AURKB: variants seen among roughly 807,000 people sequenced by gnomAD.
AURKB encodes aurora kinase B-Sv1.
In AURKB, 28 loss-of-function variants were observed where a neutral mutation model predicts 36.5. That is an observed-to-expected ratio of 0.77 (90% CI 0.57 to 1.05). AURKB has a LOEUF of 1.05. Ranked by LOEUF, AURKB falls within the 50% of genes least tolerant of loss-of-function variation. AURKB has a pLI of 0.00. For synonymous variants in AURKB, 175 were observed against 172.9 expected, an observed-to-expected ratio of 1.01 and a Z score of -0.09; for missense variants, 383 against 447.4, an observed-to-expected ratio of 0.86 and a Z score of 1.30.
chr17:8,210,377 A>T, intron 1 of AURKB, 128 bp from the exon 2 acceptor site: 1 of 701,904 alleles, frequency 1.4e-6, no homozygotes, highest in South Asian at 1.7e-5. Flanking sequence ...ACTAGCCCCA[A>T]TCTGGGCGCT....
chr17:8,206,907 G>A lies in AURKB; in HGVS notation c.399-19C>T, dbSNP rs779618576. ...GGGATGGCTGGGGGAAGAGACAGAG[G>A]AGGCCTCAGGCCAAAGGCATAAAAG... On this transcript the variant is annotated intron_variant, in intron 5 of 8. Coordinates refer to ENST00000585124, the MANE Select transcript of AURKB (RefSeq NM_004217.4). The surrounding 1 kb of genome is among the most constrained non-coding windows in gnomAD (Gnocchi z 4.2). The A allele has an allele frequency of 1.1e-5, 18 of 1,613,978 alleles. No homozygotes were observed. In the South Asian group the frequency reaches 1.8e-4, roughly 16 times the overall value.
At chr17:8,209,010 T>G (rs1985766964) in intron 2 of AURKB, among the ~76,000 whole-genome samples, 2 of 145,140 alleles carry the variant, frequency 1.4e-5, no homozygotes, top group Admixed American at 1.5e-4. Context: ...CACTTCTCAC[T>G]TTCAACTTCT....
At position 8,210,178 on chromosome 17, in the gene AURKB, G is replaced by A. The variant is rs763789172; in HGVS notation, c.47C>T (p.Thr16Met). Reference protein sequence around the residue: ...NSYPWPYGRQTAPSGLSTLPQ... With the variant: ...NSYPWPYGRQMAPSGLSTLPQ... ...CAGGGACGGAGGGAAGGGCCTTACC[G>A]TCTGTCGGCCGTAGGGCCAGGGGTA... The change falls in exon 2 of 9, where the codon ACG becomes ATG. Residue 16 changes from threonine (T) to methionine (M), a missense_variant and splice_region_variant. Around this residue, in one of 3 missense-constraint regions of AURKB, gnomAD observed 105 missense variants for 95.7 expected, o/e 1.10. Coordinates refer to ENST00000585124, the MANE Select transcript of AURKB (RefSeq NM_004217.4). 1.2e-5 allele frequency: 19 copies of A among 1,612,576 alleles called. No homozygotes were observed. In the South Asian group the frequency reaches 1.7e-4, roughly 14 times the overall value.
Position 8,210,521 on chromosome 17 carries a change from C to T in AURKB, c.-26+9G>A, listed in dbSNP as rs549469650. The T allele has an allele frequency of 1.9e-5, 9 of 469,918 alleles. No individual in the cohort carries two copies. The highest frequency in any genetic ancestry group is 3.4e-5 in the Non-Finnish European group (9 of 265,096). 29.1% of individuals were successfully genotyped at this position (469,918 alleles called of 1,614,324 possible). ...CCGGCGCAAGGCCTGCGACAGGAGGCCAGCTCACCTGGGGTCCAAGGCACT... is the reference window on the plus strand; with the variant it reads ...CCGGCGCAAGGCCTGCGACAGGAGGTCAGCTCACCTGGGGTCCAAGGCACT... On this transcript the variant is annotated intron_variant, in intron 1 of 8. Coordinates refer to ENST00000585124, the MANE Select transcript of AURKB (RefSeq NM_004217.4).
chr17:8,205,225 G>T lies in AURKB; in HGVS notation c.852C>A (p.Arg284=). Reference sequence around the variant, plus strand: ...CAGGCCGCCCTCCCACCTTGACGATGCGGCGATAGGTCTCGTTGTGTGATG... The same window carrying T: ...CAGGCCGCCCTCCCACCTTGACGATTCGGCGATAGGTCTCGTTGTGTGATG... The part of the protein sequence containing the change: ...ESASHNETYR[R]IVKVDLKFPA... Residue 284 remains arginine, a synonymous_variant, in exon 8 of 9, where the codon CGC becomes CGA. Coordinates refer to ENST00000585124, the MANE Select transcript of AURKB (RefSeq NM_004217.4). The T allele has an allele frequency of 6.2e-7, 1 of 1,612,694 alleles. No individual in the cohort carries two copies. The highest frequency in any genetic ancestry group is 8.5e-7 in the Non-Finnish European group (1 of 1,179,040).
intron 7 of AURKB, 78 bp from the exon 8 acceptor site, chr17:8,205,468 G>C: frequency 6.5e-7 from 1 of 1,532,688 alleles, no homozygotes; most frequent in African/African-American, 1.4e-5. Flanking sequence ...ACGGCTGGGA[G>C]CCAAAAGACC....
At chr17:8,210,506 G>A in intron 1 of AURKB, 24 bp downstream of exon 1, 1 of 483,096 alleles carries the variant, frequency 2.1e-6, no homozygotes, top group Non-Finnish European at 3.6e-6. Context: ...CCGGCGCAAG[G>A]CCTGCGACAG....
At chr17:8,205,155 A>AC in intron 8 of AURKB, 61 bp downstream of exon 8, 1 of 1,557,202 alleles carries the variant, frequency 6.4e-7, no homozygotes. Context: ...CACTCTGCCC[A>AC]CCCCCAGCCC....
chr17:8,205,478 C>T, intron 7 of AURKB, 88 bp from the exon 8 acceptor site: 1 of 1,511,988 alleles, frequency 6.6e-7, no homozygotes, highest in Non-Finnish European at 9.0e-7. Flanking sequence ...GCCAAAAGAC[C>T]ACGGGATGTA....
rs1274002896 is a variant in AURKB at position 8,207,784 on chromosome 17, G to A, written c.105C>T (p.Thr35=). 2 of 1,614,138 alleles carry A rather than the reference G, an allele frequency of 1.2e-6. No homozygotes were observed. The highest frequency in any genetic ancestry group is 2.2e-5 in the East Asian group (1 of 44,888). Residue 35 remains threonine, a synonymous_variant, in exon 3 of 9, where the codon ACC becomes ACT. Coordinates refer to ENST00000585124, the MANE Select transcript of AURKB (RefSeq NM_004217.4). ...GGCTCATGAGGACAAGTGCAGATGG[G>A]GTGACAGGCTCTTTCCGGAGGACTC... ...PQRVLRKEPV[T]PSALVLMSRS... is the part of the protein sequence containing the mutation.
chr17:8,207,549 C>G (rs373671572), intron 4 of AURKB, 22 bp downstream of exon 4: 1 of 1,610,972 alleles, frequency 6.2e-7, no homozygotes, highest in Non-Finnish European at 8.5e-7. Flanking sequence ...CCCCCGTCCA[C>G]CCCCAGGCTT....
Position 8,206,568 on chromosome 17 carries a change from T to C in AURKB, c.609A>G (p.Pro203=). 3.1e-6 allele frequency: 5 copies of C among 1,614,212 alleles called. No individual in the cohort carries two copies. The highest frequency in any genetic ancestry group is 3.4e-6 in the Non-Finnish European group (4 of 1,180,038). The change falls in exon 7 of 9, where the codon CCA becomes CCG. Residue 203 remains proline, a synonymous_variant. Coordinates refer to ENST00000585124, the MANE Select transcript of AURKB (RefSeq NM_004217.4). This position sits in a 1 kb window ranked among gnomAD's most constrained non-coding sequence, Gnocchi z 4.2. ...CCTTGAGCCCTAAGAGCAGATTTTC[T>C]GGCTTTATGTCTCTGTGAATCACCT... The part of the protein sequence containing the change: ...GKKVIHRDIK[P]ENLLLGLKGE...
intron 2 of AURKB, among the ~76,000 whole-genome samples, chr17:8,208,632 A>ATAAATAAT (rs1555529387): frequency 0.033 from 4,508 of 137,976 alleles, 101 homozygotes; most frequent in Non-Finnish European, 0.048. Context: ...AAATAAATAA[A>ATAAATAAT]AAATAAATAA....
At position 8,210,218 on chromosome 17, in the gene AURKB, G is replaced by A. The variant is rs1395424704; in HGVS notation, c.7C>T (p.Gln3Ter). The change falls in exon 2 of 9, where the codon CAG becomes TAG. Residue 3 changes from glutamine (Q) to a stop codon, truncating the protein, a stop_gained. Transcript: ENST00000585124. LOFTEE classifies it high-confidence loss of function. MA[Q>*]KENSYPWPYG... is the part of the protein sequence containing the mutation. ...GGCCAGGGGTAGGAGTTCTCCTTCT[G>A]GGCCATCCTTAGAGAGAAAGGGGGA... 1 of 1,608,842 alleles carries A rather than the reference G, an allele frequency of 6.2e-7. No homozygotes were observed. The highest frequency in any genetic ancestry group is 1.7e-5 in the Admixed American group (1 of 58,974).
intron 3 of AURKB, 29 bp from the exon 4 acceptor site, chr17:8,207,654 G>C: frequency 6.2e-7 from 1 of 1,613,814 alleles, no homozygotes; most frequent in Non-Finnish European, 8.5e-7. Flanking sequence ...GGTTGAATGC[G>C]AACAGGGATG....
At chr17:8,210,306 GGGTT>G in intron 1 of AURKB, 57 bp from the exon 2 acceptor site, 1 of 1,276,924 alleles carries the variant, frequency 7.8e-7, no homozygotes, top group Non-Finnish European at 1.1e-6. Flanking sequence ...AGAGAGGGAG[GGGTT>G]GGACCGATCG....
Position 8,206,882 on chromosome 17 carries a change from G to A in AURKB, c.405C>T (p.Pro135=). The part of the protein sequence containing the change: ...EIEIQAHLHH[P]NILRLYNYFY... ...AATAGTTGTAGAGACGCAGGATGTT[G>A]GGATGGCTGGGGGAAGAGACAGAGG... is the stretch of plus-strand genomic sequence containing the variant. Residue 135 remains proline (P), a synonymous_variant, in exon 6 of 9, where the codon CCC becomes CCT. Coordinates refer to ENST00000585124, the MANE Select transcript of AURKB (RefSeq NM_004217.4). This position sits in a 1 kb window ranked among gnomAD's most constrained non-coding sequence, Gnocchi z 4.2. 1 of 1,614,200 alleles carries A rather than the reference G, an allele frequency of 6.2e-7. No individual in the cohort carries two copies. Among genetic ancestry groups the A allele is most frequent in the Non-Finnish European group, 8.5e-7 (1 of 1,180,046 alleles).
At chr17:8,205,431 T>G (rs1597344620) in intron 7 of AURKB, 41 bp from the exon 8 acceptor site, 1 of 1,600,528 alleles carries the variant, frequency 6.2e-7, no homozygotes. Flanking sequence ...CCTAGTGACA[T>G]AGGAACTCTC....
intron 3 of AURKB, 51 bp downstream of exon 3, chr17:8,207,687 C>T: frequency 6.2e-7 from 1 of 1,613,670 alleles, no homozygotes; most frequent in Middle Eastern, 1.7e-4. Flanking sequence ...CTAAACCCTC[C>T]CACAGACGGT....
Sources: allele counts gnomAD v4.1 joint callset (sites outside exome capture counted in the v4.1 genomes callset), GRCh38; gene constraint gnomAD v4.1.1; regional missense constraint gnomAD v4.1.1; non-coding constraint Gnocchi (gnomAD v3.1); transcripts MANE v1.5; gene names NCBI Gene and HGNC (gene_info 2026-07-23, HGNC 2026-07-21).